Variants in SENP1 observed in about 807,000 individuals in gnomAD.
SENP1 encodes sentrin-specific protease 1.
In SENP1, 21 loss-of-function variants were observed where a neutral mutation model predicts 93.0. The observed-to-expected ratio is 0.23, with a 90% CI of 0.16 to 0.33. SENP1 has a LOEUF of 0.33. Ranked by LOEUF, SENP1 falls within the 10% of genes least tolerant of loss-of-function variation. The pLI is 1.00. For synonymous variants in SENP1, 256 were observed against 259.6 expected, an observed-to-expected ratio of 0.99 and a Z score of 0.13; for missense variants, 591 against 758.7, an observed-to-expected ratio of 0.78 and a Z score of 2.60.
chr12:48,105,768 T>G, intron 1 of SENP1: 1 of 562,884 alleles, frequency 1.8e-6, no homozygotes, highest in South Asian at 2.1e-5. Flanking sequence ...GGAGACGGTC[T>G]CTCCGCGGCC....
chr12:48,072,103 A>G (rs1943745343), intron 8 of SENP1, among the ~76,000 whole-genome samples: 1 of 152,196 alleles, frequency 6.6e-6, no homozygotes, highest in Non-Finnish European at 1.5e-5. Context: ...TCAGTTACGC[A>G]TAGTTAACTG....
Position 48,065,587 on chromosome 12 carries a change from C to CT in SENP1, c.1119+8dup. ...TTATTTGTAATATTATTCCAATTTT[C>CT]TTTTTTACCTGGTTTTGAAGCTGTA... is the stretch of plus-strand genomic sequence containing the variant. On this transcript the variant is annotated intron_variant, in intron 11 of 17. Transcript: ENST00000549518. 2 of 1,525,176 alleles carry CT rather than the reference C, an allele frequency of 1.3e-6. No homozygotes were observed. The highest frequency in any genetic ancestry group is 1.2e-5 in the South Asian group (1 of 81,526). The allele number at this position is 1,525,176 out of a possible 1,614,324, so 94.5% of individuals were successfully genotyped here. A position where few individuals can be genotyped will look rare whatever the true frequency, so the allele number is the denominator to read the frequency against.
At chr12:48,058,225 C>A (rs190606220) in intron 13 of SENP1, among the ~76,000 whole-genome samples, 41 of 152,204 alleles carry the variant, frequency 2.7e-4, no homozygotes, top group Admixed American at 2.6e-3. Context: ...GGATTACAGG[C>A]ATGAGCCACT....
intron 9 of SENP1, 31 bp from the exon 10 acceptor site, chr12:48,066,996 T>C (rs1186343238): frequency 6.9e-7 from 1 of 1,440,774 alleles, no homozygotes; most frequent in Non-Finnish European, 9.5e-7. Context: ...ATTTGACAAA[T>C]GAGCAGGAGG....
chr12:48,074,863 G>A (rs1163881550), intron 6 of SENP1, 70 bp from the exon 7 acceptor site: 26 of 1,032,394 alleles, frequency 2.5e-5, no homozygotes, highest in African/African-American at 6.5e-5. Flanking sequence ...AAACTAGCAT[G>A]TAAACAGAAT....
chr12:48,080,011 A>G (rs1450957023), intron 6 of SENP1: 1 of 152,244 alleles, frequency 6.6e-6, no homozygotes, highest in Non-Finnish European at 1.5e-5. Flanking sequence ...AATGTTGCTC[A>G]ATAATTTGCA....
At chr12:48,056,437 AATTATTT>A (rs1942367406) in intron 13 of SENP1, among the ~76,000 whole-genome samples, 1 of 85,408 alleles carries the variant, frequency 1.2e-5, no homozygotes, top group African/African-American at 6.7e-5. Context: ...TTACATATAT[AATTATTT>A]AATATATTAC....
chr12:48,065,838 CATA>C (rs1167684211), intron 10 of SENP1, among the ~76,000 whole-genome samples, 158 bp from the exon 11 acceptor site: 1 of 152,152 alleles, frequency 6.6e-6, no homozygotes, highest in African/African-American at 2.4e-5. Flanking sequence ...AGTGAAACCA[CATA>C]ATGTTACTGA....
chr12:48,105,790 G>C (rs975653626), intron 1 of SENP1: 2 of 584,556 alleles, frequency 3.4e-6, no homozygotes, highest in South Asian at 2.0e-5. Flanking sequence ...AGGAGAGAGA[G>C]ACCAGAAGGA....
At chr12:48,072,051 C>A (rs1163144645) in intron 8 of SENP1, among the ~76,000 whole-genome samples, 1 of 152,178 alleles carries the variant, frequency 6.6e-6, no homozygotes, top group Non-Finnish European at 1.5e-5. Context: ...CCTTAAAAGT[C>A]TTCATGGTAG....
At position 48,049,188 on chromosome 12, in the gene SENP1, T is replaced by C. The variant is rs1250794547; in HGVS notation, c.1408-56A>G. On this transcript the variant is annotated intron_variant, in intron 13 of 17. Transcript: ENST00000549518. ...GACACTCAGGCCTAGCCTTTCAAAA[T>C]AGTTGCAGTTGCTGTGTTGAATAGC... The C allele has an allele frequency of 2.4e-5, 32 of 1,342,034 alleles. No individual in the cohort carries two copies. In the East Asian group the frequency reaches 5.3e-4, roughly 22 times the overall value. 83.1% of individuals were successfully genotyped at this position (1,342,034 alleles called of 1,614,324 possible).
At chr12:48,052,622 A>G (rs771578598) in intron 13 of SENP1, among the ~76,000 whole-genome samples, 25 of 152,192 alleles carry the variant, frequency 1.6e-4, no homozygotes, top group Admixed American at 3.9e-4. Flanking sequence ...GAAACCAGGA[A>G]GGCAGGTTTC....
At chr12:48,104,889 G>T (rs1946361589) in intron 1 of SENP1, among the ~76,000 whole-genome samples, 1 of 152,290 alleles carries the variant, frequency 6.6e-6, no homozygotes, top group African/African-American at 2.4e-5. Context: ...AAATGAATAA[G>T]CCTTCCTAAA....
chr12:48,066,580 C>T (rs1002421977), intron 10 of SENP1, among the ~76,000 whole-genome samples: 5 of 150,288 alleles, frequency 3.3e-5, no homozygotes, highest in African/African-American at 1.2e-4. Flanking sequence ...GGCGTGATCT[C>T]GGCTCACTGC....
At chr12:48,070,953 A>G (rs1428251173) in intron 9 of SENP1, among the ~76,000 whole-genome samples, 2 of 152,108 alleles carry the variant, frequency 1.3e-5, no homozygotes, top group Non-Finnish European at 2.9e-5. Context: ...AAAGTTAGCC[A>G]AGTATGGTGG....
chr12:48,093,109 C>T (rs57054831), intron 4 of SENP1, among the ~76,000 whole-genome samples: 34,491 of 151,966 alleles, frequency 0.23, 4,579 homozygotes, highest in East Asian at 0.55. Flanking sequence ...GATAACCTGA[C>T]ATATTAGGTA....
At chr12:48,085,014 T>G in intron 5 of SENP1, 22 of 918,844 alleles carry the variant, frequency 2.4e-5, no homozygotes, top group South Asian at 8.8e-5. Flanking sequence ...AATGGGGAAA[T>G]GAGAGTGGCT....
chr12:48,066,373 A>G (rs1034764946), intron 10 of SENP1, among the ~76,000 whole-genome samples: 2 of 152,204 alleles, frequency 1.3e-5, no homozygotes, highest in Non-Finnish European at 2.9e-5. Flanking sequence ...TATTTTCCCT[A>G]TTATATAATA....
At chr12:48,083,558 C>A (rs768615090) in intron 6 of SENP1, 33 bp downstream of exon 6, 1 of 1,590,902 alleles carries the variant, frequency 6.3e-7, no homozygotes, top group Non-Finnish European at 8.6e-7. Flanking sequence ...AAGATCCTAA[C>A]TTTTAGTAGC....
Sources: gnomAD v4.1 joint callset for allele counts (sites outside exome capture counted in the v4.1 genomes callset) on GRCh38, gnomAD v4.1.1 for gene constraint, MANE v1.5 for transcripts, NCBI Gene and HGNC (gene_info 2026-07-23, HGNC 2026-07-21) for gene names.